Variants in SRGAP3 observed in about 807,000 individuals in gnomAD.
The protein encoded by SRGAP3 is SLIT-ROBO Rho GTPase-activating protein 3.
A neutral mutation model predicts 121.1 loss-of-function variants in SRGAP3; 39 were observed. The ratio of observed to expected loss-of-function variants is 0.32; its 90% CI spans 0.25 to 0.42. The LOEUF is 0.42. Ranked by LOEUF, SRGAP3 falls within the 10% of genes least tolerant of loss-of-function variation. The pLI, the probability that SRGAP3 is intolerant of heterozygous loss-of-function variation, is 1.00. For missense variants in SRGAP3, 1,213 were observed against 1,470.6 expected, an observed-to-expected ratio of 0.82 and a Z score of 2.86; for synonymous variants, 601 against 570.0, an observed-to-expected ratio of 1.05 and a Z score of -0.77.
intron 1 of SRGAP3, chr3:9,348,997 C>A: frequency 3.2e-6 from 3 of 925,996 alleles, no homozygotes; most frequent in Admixed American, 1.7e-5. Context: ...CAGCCCATGG[C>A]AACAGCCCCC....
intron 3 of SRGAP3, among the ~76,000 whole-genome samples, chr3:9,280,372 C>G (rs1314283902): frequency 6.6e-6 from 1 of 152,226 alleles, no homozygotes; most frequent in African/African-American, 2.4e-5. Flanking sequence ...GTGCTGCCGC[C>G]CCCACGCACA....
chr3:9,250,691 C>T (rs1018135762), upstream of SRGAP3, among the ~76,000 whole-genome samples: 1 of 152,122 alleles, frequency 6.6e-6, no homozygotes, highest in Non-Finnish European at 1.5e-5. Context: ...TATCCCCCAA[C>T]AACCTAACAA....
chr3:9,077,581 C>T (rs893105776), intron 4 of SRGAP3, among the ~76,000 whole-genome samples: 4 of 152,110 alleles, frequency 2.6e-5, no homozygotes, highest in South Asian at 2.1e-4. Flanking sequence ...TCTGGTGACC[C>T]TCACCAGGCT....
chr3:9,158,043 C>T (rs548842010), intron 1 of SRGAP3, among the ~76,000 whole-genome samples: 1 of 152,220 alleles, frequency 6.6e-6, no homozygotes, highest in Non-Finnish European at 1.5e-5. Context: ...TCAAGAAGTA[C>T]TGCCCCTGGC....
intron 3 of SRGAP3, among the ~76,000 whole-genome samples, chr3:9,310,418 C>T (rs1438491905): frequency 6.6e-6 from 1 of 152,178 alleles, no homozygotes; most frequent in Non-Finnish European, 1.5e-5. Flanking sequence ...AGAGGTGGAT[C>T]TTGGTTACCA....
chr3:9,159,843 T>C (rs1415996222), intron 1 of SRGAP3, among the ~76,000 whole-genome samples: 3 of 152,162 alleles, frequency 2.0e-5, no homozygotes, highest in Non-Finnish European at 4.4e-5. Context: ...CTGCCCGTTA[T>C]TTTTTTAAAT....
At chr3:9,133,289 C>T (rs1575122354) in intron 1 of SRGAP3, among the ~76,000 whole-genome samples, 1 of 152,158 alleles carries the variant, frequency 6.6e-6, no homozygotes, top group South Asian at 2.1e-4. Context: ...TGAGACCAGC[C>T]TGGCCAACAC....
At chr3:9,161,612 A>G (rs1175395064) in intron 1 of SRGAP3, among the ~76,000 whole-genome samples, 1 of 152,226 alleles carries the variant, frequency 6.6e-6, no homozygotes, top group Non-Finnish European at 1.5e-5. Flanking sequence ...CAGCTCCAGG[A>G]GGTTTCTCGG....
At chr3:9,193,480 G>A (rs562833013) in intron 1 of SRGAP3, 6 of 152,252 alleles carry the variant, frequency 3.9e-5, no homozygotes, top group Non-Finnish European at 8.8e-5. Flanking sequence ...CCATGCAGAG[G>A]AGGTGCCCAG....
At chr3:9,191,067 C>T (rs553890368) in intron 1 of SRGAP3, among the ~76,000 whole-genome samples, 40 of 152,296 alleles carry the variant, frequency 2.6e-4, no homozygotes, top group African/African-American at 8.9e-4. Flanking sequence ...AGAAGTTTCT[C>T]GTCCCCCTCC....
intron 6 of SRGAP3, chr3:9,060,024 T>C (rs1946058474): frequency 4.0e-6 from 3 of 748,222 alleles, no homozygotes; most frequent in South Asian, 3.3e-5. Context: ...CAGAGGCCCA[T>C]GTCCCACTCG....
intron 3 of SRGAP3, among the ~76,000 whole-genome samples, chr3:9,310,190 G>C (rs999161201): frequency 2.6e-5 from 4 of 152,144 alleles, no homozygotes; most frequent in African/African-American, 4.8e-5. Context: ...ACAAAGAACA[G>C]GTAGAAATAA....
intron 2 of SRGAP3, among the ~76,000 whole-genome samples, chr3:9,113,388 C>T (rs1044308055): frequency 6.6e-6 from 1 of 152,196 alleles, no homozygotes; most frequent in Non-Finnish European, 1.5e-5. Flanking sequence ...CTTCACCTTT[C>T]CAAGGCATTC....
In SRGAP3 at chr3:9,124,847, A is replaced by T; in HGVS notation, c.138T>A (p.Leu46=). 1 of 1,614,212 alleles carries T rather than the reference A, an allele frequency of 6.2e-7. No homozygotes were observed. Among genetic ancestry groups the T allele is most frequent in the Non-Finnish European group, 8.5e-7 (1 of 1,180,044 alleles). ...EQQSESRLQL[L]QDLQEFFRRK... The stretch of plus-strand genomic sequence containing the variant: ...GGCGGAAAAACTCCTGGAGGTCTTG[A>T]AGCAGCTGCAGTCGCGACTCTGATT... Residue 46 remains leucine, a synonymous_variant, in exon 2 of 22, where the codon CTT becomes CTA. Transcript: ENST00000383836.
At chr3:9,041,643 C>T (rs567596575) in intron 10 of SRGAP3, among the ~76,000 whole-genome samples, 1 of 152,344 alleles carries the variant, frequency 6.6e-6, no homozygotes, top group South Asian at 2.1e-4. Flanking sequence ...AGATCTCACT[C>T]ACCAACTACC....
At chr3:9,093,173 G>C (rs1220137044) in intron 3 of SRGAP3, among the ~76,000 whole-genome samples, 2 of 152,142 alleles carry the variant, frequency 1.3e-5, no homozygotes, top group African/African-American at 4.8e-5. Flanking sequence ...AGGCTTATTT[G>C]TTGGTTTCAA....
At chr3:9,052,993 G>T (rs372017266) in intron 9 of SRGAP3, 34 bp downstream of exon 9, 1 of 1,607,808 alleles carries the variant, frequency 6.2e-7, no homozygotes, top group South Asian at 1.1e-5. Context: ...TGGCTTGGCC[G>T]ACAGTGTGGT....
chr3:9,047,534 GCC>G, intron 9 of SRGAP3, 59 bp from the exon 10 acceptor site: 1 of 1,543,548 alleles, frequency 6.5e-7, no homozygotes, highest in Non-Finnish European at 8.9e-7. Context: ...TGGGATCTCT[GCC>G]TCTGCAACTG....
At chr3:9,089,929 G>A (rs1038566053) in intron 3 of SRGAP3, among the ~76,000 whole-genome samples, 2 of 152,052 alleles carry the variant, frequency 1.3e-5, no homozygotes, top group South Asian at 2.1e-4. Context: ...GTTGCTAAAA[G>A]GGTCTTCAGG....
Sources: allele counts gnomAD v4.1 joint callset (sites outside exome capture counted in the v4.1 genomes callset), GRCh38; gene constraint gnomAD v4.1.1; transcripts MANE v1.5; gene names NCBI Gene and HGNC (gene_info 2026-07-23, HGNC 2026-07-21).